The following CHL1 variants were observed in gnomAD, a reference collection of about 807,000 sequenced individuals.
CHL1 encodes neural cell adhesion molecule L1-like protein.
A neutral mutation model predicts 141.9 loss-of-function variants in CHL1; 96 were observed. The observed-to-expected ratio is 0.68, with a 90% CI of 0.57 to 0.80. The LOEUF is 0.80. CHL1 is among the 30% of genes least tolerant of loss of function. CHL1 has a pLI of 0.00. For missense variants in CHL1, 1,820 were observed against 1,457.2 expected (o/e 1.25, Z -4.05); for synonymous variants, 613 against 502.2 (o/e 1.22, Z -2.95).
chr3:227,196 A>C (rs1326534073), intron 1 of CHL1, among the ~76,000 whole-genome samples: 1 of 152,210 alleles, frequency 6.6e-6, no homozygotes, highest in Non-Finnish European at 1.5e-5. Flanking sequence ...CCAAGCAGAG[A>C]GTAGTTTTTA....
chr3:383,672 T>A (rs1707329092), intron 18 of CHL1, 144 bp from the exon 19 acceptor site: 2 of 510,854 alleles, frequency 3.9e-6, no homozygotes, highest in Non-Finnish European at 7.0e-6. Context: ...ACCTTAAATC[T>A]TTTTAGGAAC....
chr3:207,444 G>A (rs983048622), intron 1 of CHL1, among the ~76,000 whole-genome samples: 3 of 152,134 alleles, frequency 2.0e-5, no homozygotes, highest in African/African-American at 7.2e-5. Flanking sequence ...TTTCTAACTT[G>A]TTCTGTAAAA....
chr3:314,413 A>C (rs1700013138), intron 2 of CHL1, among the ~76,000 whole-genome samples: 1 of 137,834 alleles, frequency 7.3e-6, no homozygotes, highest in East Asian at 2.3e-4. Flanking sequence ...TGTTTATTCT[A>C]TCTCTTCTAC....
intron 5 of CHL1, among the ~76,000 whole-genome samples, chr3:337,695 C>T (rs1402881983): frequency 6.6e-6 from 1 of 152,096 alleles, no homozygotes; most frequent in Non-Finnish European, 1.5e-5. Context: ...AGGACATGAA[C>T]TCATCATTTT....
intron 3 of CHL1, among the ~76,000 whole-genome samples, chr3:324,683 G>A (rs957844687): frequency 1.3e-5 from 2 of 150,612 alleles, no homozygotes; most frequent in Non-Finnish European, 3.0e-5. Flanking sequence ...CTGTCACCCA[G>A]GCTCAAGCGC....
intron 1 of CHL1, among the ~76,000 whole-genome samples, chr3:239,673 G>T (rs1346043619): frequency 2.0e-5 from 3 of 151,310 alleles, no homozygotes; most frequent in African/African-American, 7.3e-5. Context: ...GTTCTTTTAT[G>T]CTGATTTGTG....
intron 2 of CHL1, among the ~76,000 whole-genome samples, chr3:275,396 G>T (rs939030470): frequency 2.0e-5 from 3 of 152,186 alleles, no homozygotes; most frequent in South Asian, 2.1e-4. Flanking sequence ...TTCCAGTTGT[G>T]TATGGGTTCT....
chr3:357,538 C>A (rs1156500533), intron 11 of CHL1, among the ~76,000 whole-genome samples: 1 of 152,162 alleles, frequency 6.6e-6, no homozygotes, highest in African/African-American at 2.4e-5. Flanking sequence ...AAACCAGGAA[C>A]TAAACCCAGG....
intron 2 of CHL1, among the ~76,000 whole-genome samples, chr3:292,188 T>C (rs928417851): frequency 6.6e-6 from 1 of 152,236 alleles, no homozygotes; most frequent in African/African-American, 2.4e-5. Context: ...TAAAAATATC[T>C]AAATGGTAGA....
At chr3:376,342 A>G (rs1264453226) in intron 15 of CHL1, 1 of 498,694 alleles carries the variant, frequency 2.0e-6, no homozygotes, top group Non-Finnish European at 4.0e-6. Context: ...TTCATGTTCA[A>G]ATGCAATGGC....
chr3:341,944 T>C lies in CHL1; in HGVS notation c.541T>C (p.Tyr181His), dbSNP rs1702375649. Residue 181 changes from tyrosine (Y) to histidine (H), a missense_variant, in exon 7 of 28, where the codon TAC becomes CAC. Coordinates refer to ENST00000256509, the MANE Select transcript of CHL1 (RefSeq NM_006614.4). ...ACACATCGAACAAGATGAAAGAGTATACATGAGCCAAAAGGGAGATCTATA... is the reference window on the plus strand; with the variant it reads ...ACACATCGAACAAGATGAAAGAGTACACATGAGCCAAAAGGGAGATCTATA... ...LEHIEQDERV[Y>H]MSQKGDLYFA... 4 of 1,612,536 alleles carry C rather than the reference T, an allele frequency of 2.5e-6. No individual in the cohort carries two copies. Among genetic ancestry groups the C allele is most frequent in the African/African-American group, 1.3e-5 (1 of 74,890 alleles).
intron 15 of CHL1, among the ~76,000 whole-genome samples, chr3:370,939 C>T (rs1236600647): frequency 6.6e-6 from 1 of 152,108 alleles, no homozygotes; most frequent in Non-Finnish European, 1.5e-5. Context: ...ATCCTGAGTT[C>T]TAATTTGATT....
chr3:230,029 C>G (rs932712329), intron 1 of CHL1, among the ~76,000 whole-genome samples: 17 of 152,072 alleles, frequency 1.1e-4, no homozygotes, highest in Non-Finnish European at 2.1e-4. Flanking sequence ...ATTATAAAGG[C>G]CCAATAAGGT....
chr3:293,949 G>C (rs1697948582), intron 2 of CHL1, among the ~76,000 whole-genome samples: 2 of 151,644 alleles, frequency 1.3e-5, no homozygotes, highest in African/African-American at 4.8e-5. Context: ...TTTTTGTAGA[G>C]ACAGGCTTCA....
chr3:320,410 C>G (rs1339391042), intron 3 of CHL1, among the ~76,000 whole-genome samples: 1 of 151,926 alleles, frequency 6.6e-6, no homozygotes, highest in African/African-American at 2.4e-5. Context: ...AGAGGTTAAA[C>G]AGTAGTCTGA....
intron 1 of CHL1, among the ~76,000 whole-genome samples, chr3:225,076 G>A (rs566522769): frequency 6.5e-4 from 99 of 152,312 alleles, no homozygotes; most frequent in African/African-American, 2.3e-3. Context: ...AGAGGCTGCA[G>A]TAAGCCAAGA....
chr3:267,830 A>T (rs138441393), intron 2 of CHL1, among the ~76,000 whole-genome samples: 150 of 152,338 alleles, frequency 9.8e-4, no homozygotes, highest in African/African-American at 3.3e-3. Flanking sequence ...AATGTGAACT[A>T]TTTCCAAAAT....
intron 1 of CHL1, among the ~76,000 whole-genome samples, chr3:243,421 A>C (rs907270389): frequency 1.1e-4 from 16 of 152,190 alleles, no homozygotes; most frequent in African/African-American, 3.9e-4. Context: ...TTAGTCATCC[A>C]TAAACATTTC....
intron 2 of CHL1, among the ~76,000 whole-genome samples, chr3:291,811 T>C (rs1574976123): frequency 6.6e-6 from 1 of 152,294 alleles, no homozygotes; most frequent in African/African-American, 2.4e-5. Context: ...ACCAGTCCAG[T>C]AACTTGGCTA....
Sources: allele counts gnomAD v4.1 joint callset (sites outside exome capture counted in the v4.1 genomes callset), GRCh38; gene constraint gnomAD v4.1.1; transcripts MANE v1.5; gene names NCBI Gene and HGNC (gene_info 2026-07-23, HGNC 2026-07-21).